Variants in CEP83 observed in about 807,000 individuals in gnomAD.
CEP83 encodes centrosomal protein 83.
CEP83 carries 70 observed loss-of-function variants against 101.9 expected under a neutral mutation model. The observed-to-expected ratio is 0.69, with a 90% CI of 0.57 to 0.84. The LOEUF is 0.84. Among genes scored for constraint, CEP83 ranks in the 40% least tolerant of loss-of-function variants. The pLI is 0.00. For missense variants in CEP83, 715 were observed against 787.2 expected, an observed-to-expected ratio of 0.91 and a Z score of 1.10; for synonymous variants, 264 against 267.9, an observed-to-expected ratio of 0.99 and a Z score of 0.14.
At chr12:94,381,461 T>A (rs954845192) in intron 6 of CEP83, among the ~76,000 whole-genome samples, 1 of 152,184 alleles carries the variant, frequency 6.6e-6, no homozygotes, top group Non-Finnish European at 1.5e-5. Context: ...TAAAAAGTTA[T>A]TGAAGTAAAG....
chr12:94,329,448 A>C (rs1177769478), intron 14 of CEP83, among the ~76,000 whole-genome samples: 1 of 152,040 alleles, frequency 6.6e-6, no homozygotes, highest in Non-Finnish European at 1.5e-5. Flanking sequence ...TGTTTTATAG[A>C]GATGGGGTCT....
chr12:94,446,001 C>T (rs1026321627), intron 1 of CEP83, among the ~76,000 whole-genome samples: 11 of 152,334 alleles, frequency 7.2e-5, no homozygotes, highest in East Asian at 3.9e-4. Flanking sequence ...CATGTAAATG[C>T]ATGACAATAC....
intron 6 of CEP83, among the ~76,000 whole-genome samples, chr12:94,380,601 T>C (rs1422510189): frequency 1.3e-5 from 2 of 152,310 alleles, no homozygotes; most frequent in South Asian, 4.1e-4. Flanking sequence ...GTTTACCTTT[T>C]ACATGAGGTA....
intron 6 of CEP83, among the ~76,000 whole-genome samples, chr12:94,396,341 T>G (rs367917468): frequency 7.5e-6 from 1 of 133,688 alleles, no homozygotes; most frequent in African/African-American, 2.9e-5. Flanking sequence ...CAGGCTGGAG[T>G]GCGGTGGCAC....
the CEP83 span, among the ~76,000 whole-genome samples, chr12:94,266,381 A>G: frequency 0.022 from 3,316 of 152,286 alleles, 145 homozygotes; most frequent in African/African-American, 0.075. Flanking sequence ...TCTGAATTGT[A>G]TCAATACACC....
chr12:94,450,667 G>A (rs574016643), intron 1 of CEP83, among the ~76,000 whole-genome samples: 3 of 152,288 alleles, frequency 2.0e-5, no homozygotes, highest in Non-Finnish European at 2.9e-5. Context: ...ATAAGTGCAC[G>A]ATTTGTACAC....
At chr12:94,326,644 G>A (rs1278359502) in intron 14 of CEP83, among the ~76,000 whole-genome samples, 2 of 152,262 alleles carry the variant, frequency 1.3e-5, no homozygotes, top group East Asian at 3.9e-4. Context: ...GATTGGATTC[G>A]AGTGGGCCCT....
In CEP83 at chr12:94,340,311, C is replaced by A. The variant is rs1221293043; in HGVS notation, c.1344-4647G>T. ...CAAACTGCATATCATTTACTTCCTC[C>A]TCCTTCACCCACTCCACACAGAGAC... On this transcript the variant is annotated intron_variant, in intron 11 of 16. Coordinates refer to ENST00000397809, the MANE Select transcript of CEP83 (RefSeq NM_016122.3). Among the ~76,000 whole-genome samples the A allele has an allele frequency of 4.6e-5, 7 of 152,316 alleles. No homozygotes were observed. The East Asian group carries it at 1.3e-3, about 29-fold the overall frequency.
chr12:94,415,784 G>C (rs548938575), intron 2 of CEP83, among the ~76,000 whole-genome samples: 7 of 152,026 alleles, frequency 4.6e-5, no homozygotes, highest in Admixed American at 4.6e-4. Context: ...TAACTAATGG[G>C]ACAAGAAGAT....
intron 14 of CEP83, among the ~76,000 whole-genome samples, chr12:94,324,310 T>C (rs2058874573): frequency 6.6e-6 from 1 of 152,238 alleles, no homozygotes; most frequent in African/African-American, 2.4e-5. Context: ...CATTAATAGA[T>C]ACAGGACTAT....
At chr12:94,391,930 G>A (rs894909645) in intron 6 of CEP83, among the ~76,000 whole-genome samples, 26 of 152,270 alleles carry the variant, frequency 1.7e-4, no homozygotes, top group Middle Eastern at 3.4e-3. Context: ...AATTCAACAA[G>A]AAGACCTAAC....
At chr12:94,396,875 A>G (rs1158628610) in intron 6 of CEP83, among the ~76,000 whole-genome samples, 2 of 152,226 alleles carry the variant, frequency 1.3e-5, no homozygotes, top group African/African-American at 4.8e-5. Context: ...AAATTGTAAA[A>G]TTGGAAGATG....
chr12:94,375,781 TAATAA>T, intron 8 of CEP83, 100 bp downstream of exon 8: 1 of 564,390 alleles, frequency 1.8e-6, no homozygotes, highest in Non-Finnish European at 2.8e-6. Flanking sequence ...CAGAATGATA[TAATAA>T]AACATTTCAG....
chr12:94,322,911 G>A (rs528326144), intron 14 of CEP83, among the ~76,000 whole-genome samples: 50 of 152,340 alleles, frequency 3.3e-4, no homozygotes, highest in African/African-American at 1.1e-3. Flanking sequence ...GACCCTGGTC[G>A]GGAGGTCCCC....
intron 8 of CEP83, among the ~76,000 whole-genome samples, chr12:94,371,012 AT>A (rs2061277788): frequency 6.6e-6 from 1 of 152,150 alleles, no homozygotes; most frequent in Admixed American, 6.6e-5. Context: ...AAATTTAAGA[AT>A]AAAAAATGTG....
rs182416138 is a variant in CEP83, at chr12:94,434,515, A to G, written c.-102+760T>C. On this transcript the variant is annotated intron_variant, in intron 2 of 16. Coordinates refer to ENST00000397809, the MANE Select transcript of CEP83 (RefSeq NM_016122.3). ...AAACCATAGTAATGAGTTAATGTGT[A>G]CAAGTATAATAATACATTTGAAAAG... 2.4e-3 allele frequency among the ~76,000 whole-genome samples: 368 copies of G among 152,362 alleles called. 2 individuals carry two copies. Among genetic ancestry groups the G allele is most frequent in the African/African-American group, 8.5e-3 (353 of 41,584 alleles).
At chr12:94,318,503 G>C (rs1457745424) in intron 14 of CEP83, among the ~76,000 whole-genome samples, 1 of 152,154 alleles carries the variant, frequency 6.6e-6, no homozygotes. Context: ...GGTTTTCAAA[G>C]AGAATGCTTC....
intron 11 of CEP83, among the ~76,000 whole-genome samples, chr12:94,361,752 G>A (rs1377995887): frequency 6.6e-6 from 1 of 151,690 alleles, no homozygotes; most frequent in Non-Finnish European, 1.5e-5. Flanking sequence ...CCCAGGCTGG[G>A]GTGCAATGGC....
chr12:94,301,096 T>G, the CEP83 span: 106,703 of 1,589,090 alleles, frequency 0.067, 4,200 homozygotes, highest in Non-Finnish European at 0.08. Context: ...TGCAGTCTTA[T>G]GAGTTTGACA....
Sources: allele counts gnomAD v4.1 joint callset (sites outside exome capture counted in the v4.1 genomes callset), GRCh38; gene constraint gnomAD v4.1.1; transcripts MANE v1.5; gene names NCBI Gene and HGNC (gene_info 2026-07-23, HGNC 2026-07-21).